GRM8: variants seen among roughly 807,000 people sequenced by gnomAD.
The protein encoded by GRM8 is metabotropic glutamate receptor 8.
In GRM8, 47 loss-of-function variants were observed where a neutral mutation model predicts 87.2. That is an observed-to-expected ratio of 0.54 (90% CI 0.43 to 0.69). The LOEUF is 0.69. GRM8 is among the 30% of genes least tolerant of loss of function. The probability of loss-of-function intolerance (pLI) is 0.00; values close to 1 mark genes in which losing one functional copy is unlikely to be tolerated. For synonymous variants in GRM8, 396 were observed against 404.5 expected, an observed-to-expected ratio of 0.98 and a Z score of 0.25; for missense variants, 1,019 against 1,139.2, an observed-to-expected ratio of 0.89 and a Z score of 1.52.
At chr7:127,127,345 T>A (rs964568354) in intron 2 of GRM8, among the ~76,000 whole-genome samples, 1 of 152,082 alleles carries the variant, frequency 6.6e-6, no homozygotes, top group Non-Finnish European at 1.5e-5. Context: ...AAATGTTCAC[T>A]ACAATTTTAT....
intron 2 of GRM8, among the ~76,000 whole-genome samples, chr7:127,131,538 AGATAAC>A (rs781236797): frequency 1.8e-4 from 27 of 152,348 alleles, no homozygotes; most frequent in Non-Finnish European, 3.4e-4. Flanking sequence ...AGGGACTGTC[AGATAAC>A]GAGGGCTTCC....
intron 6 of GRM8, among the ~76,000 whole-genome samples, chr7:126,823,739 T>C (rs564712202): frequency 1.3e-5 from 2 of 152,344 alleles, no homozygotes; most frequent in African/African-American, 4.8e-5. Flanking sequence ...TCAGAACATA[T>C]GTTAATCCAG....
intron 7 of GRM8, among the ~76,000 whole-genome samples, chr7:126,763,699 G>C (rs996614116): frequency 8.6e-5 from 11 of 127,302 alleles, no homozygotes; most frequent in African/African-American, 2.9e-4. Context: ...ATGTTTGGTA[G>C]GAATATTTTT....
rs567470156 is a variant in GRM8 at position 126,828,198 on chromosome 7, C to T, written c.1157-58133G>A. Among the ~76,000 whole-genome samples, 50 of 152,208 alleles carry T rather than the reference C, an allele frequency of 3.3e-4. No individual in the cohort carries two copies. The East Asian group carries it at 9.1e-3, about 28-fold the overall frequency. ...CTTTTTTGGTTGTGTCTCTGCCCGG[C>T]TTTGGTATCAGGATGATGCTGGCCT... On this transcript the variant is annotated intron_variant, in intron 6 of 10. Coordinates refer to ENST00000339582, the MANE Select transcript of GRM8 (RefSeq NM_000845.3).
intron 2 of GRM8, among the ~76,000 whole-genome samples, chr7:127,175,126 T>C (rs943775383): frequency 6.6e-6 from 1 of 152,134 alleles, no homozygotes; most frequent in African/African-American, 2.4e-5. Flanking sequence ...TGTCTAATGA[T>C]AAAATTAGAC....
intron 6 of GRM8, among the ~76,000 whole-genome samples, chr7:126,806,859 C>G (rs1792813215): frequency 6.6e-6 from 1 of 152,178 alleles, no homozygotes. Context: ...CCCGTAAGCC[C>G]CAGCTCCCAC....
intron 3 of GRM8, among the ~76,000 whole-genome samples, chr7:126,965,561 A>G (rs1215250315): frequency 1.3e-5 from 2 of 152,162 alleles, no homozygotes; most frequent in Non-Finnish European, 2.9e-5. Flanking sequence ...AATTTTTAGT[A>G]TAATAAAGTT....
intron 3 of GRM8, among the ~76,000 whole-genome samples, chr7:126,986,748 A>T (rs1015526740): frequency 1.3e-5 from 2 of 152,226 alleles, no homozygotes; most frequent in Admixed American, 6.5e-5. Context: ...GGCCACTAGA[A>T]TTACCTCCAT....
At chr7:126,850,196 G>A (rs1186031072) in intron 6 of GRM8, among the ~76,000 whole-genome samples, 4 of 152,056 alleles carry the variant, frequency 2.6e-5, no homozygotes, top group South Asian at 2.1e-4. Flanking sequence ...TTATTTGACC[G>A]CTCTAAAGCA....
At chr7:126,540,485 G>A (rs1816406978) in intron 8 of GRM8, among the ~76,000 whole-genome samples, 1 of 152,022 alleles carries the variant, frequency 6.6e-6, no homozygotes. Context: ...AAAAATTTGT[G>A]TATAAATGTT....
intron 7 of GRM8, among the ~76,000 whole-genome samples, chr7:126,743,658 T>A (rs1192340834): frequency 6.6e-6 from 1 of 152,150 alleles, no homozygotes; most frequent in African/African-American, 2.4e-5. Context: ...AAAGTAATAT[T>A]TGAGTTGCTT....
intron 3 of GRM8, among the ~76,000 whole-genome samples, chr7:126,963,400 T>A (rs758070835): frequency 2.6e-5 from 4 of 152,166 alleles, no homozygotes; most frequent in Non-Finnish European, 4.4e-5. Context: ...TAGAAAGAGA[T>A]GACATGATTA....
intron 6 of GRM8, among the ~76,000 whole-genome samples, chr7:126,807,052 CTCACTACCAGGGGATATACA>C (rs1390471020): frequency 2.0e-5 from 3 of 152,196 alleles, no homozygotes; most frequent in Non-Finnish European, 4.4e-5. Flanking sequence ...GTTGTCACCT[CTCACTACCAGGGGATATACA>C]TTGTCAGGTC....
intron 3 of GRM8, among the ~76,000 whole-genome samples, chr7:126,947,997 T>A (rs2131585173): frequency 6.6e-6 from 1 of 152,252 alleles, no homozygotes; most frequent in African/African-American, 2.4e-5. Context: ...AGAGGGTAAG[T>A]TCTACTTTTA....
chr7:126,665,159 T>C (rs562276761), intron 7 of GRM8, among the ~76,000 whole-genome samples: 1 of 152,272 alleles, frequency 6.6e-6, no homozygotes, highest in East Asian at 1.9e-4. Flanking sequence ...GGTGGGAATG[T>C]AAATTAGTTC....
intron 7 of GRM8, among the ~76,000 whole-genome samples, chr7:126,710,053 A>C (rs932172090): frequency 6.6e-6 from 1 of 152,170 alleles, no homozygotes; most frequent in Non-Finnish European, 1.5e-5. Flanking sequence ...TCCCACATAA[A>C]AGTTAGTTTT....
At chr7:126,829,127 C>T (rs76263428) in intron 6 of GRM8, among the ~76,000 whole-genome samples, 101,627 of 148,892 alleles carry the variant, frequency 0.68, 35,039 homozygotes, top group African/African-American at 0.76. Context: ...TCCAACTATG[C>T]GGTCAATTTT....
At chr7:126,505,290 A>G (rs1436424730) in intron 9 of GRM8, among the ~76,000 whole-genome samples, 1 of 152,092 alleles carries the variant, frequency 6.6e-6, no homozygotes, top group Non-Finnish European at 1.5e-5. Context: ...CACTAATTAG[A>G]ATGGCCCCAA....
At chr7:126,778,498 T>C (rs1281203107) in intron 6 of GRM8, among the ~76,000 whole-genome samples, 1 of 152,186 alleles carries the variant, frequency 6.6e-6, no homozygotes, top group Admixed American at 6.5e-5. Context: ...AGAAAGACTT[T>C]CAGAAAAGCA....
Sources: allele counts gnomAD v4.1 joint callset (sites outside exome capture counted in the v4.1 genomes callset), GRCh38; gene constraint gnomAD v4.1.1; transcripts MANE v1.5; gene names NCBI Gene and HGNC (gene_info 2026-07-23, HGNC 2026-07-21).